GOLPH3: variants seen among roughly 807,000 people sequenced by gnomAD.
The protein encoded by GOLPH3 is coat protein GPP34.
GOLPH3 carries 14 observed loss-of-function variants against 28.5 expected under a neutral mutation model. That is an observed-to-expected ratio of 0.49 (90% CI 0.32 to 0.77). The LOEUF is 0.77. Among genes scored for constraint, GOLPH3 ranks in the 30% least tolerant of loss-of-function variants. The pLI is 0.03. For missense variants in GOLPH3, 350 were observed against 393.7 expected (o/e 0.89, Z 0.94); for synonymous variants, 158 against 159.2 (o/e 0.99, Z 0.06).
chr5:32,130,994 C>A (rs1745814146), intron 3 of GOLPH3, among the ~76,000 whole-genome samples: 1 of 152,182 alleles, frequency 6.6e-6, no homozygotes, highest in African/African-American at 2.4e-5. Context: ...ACACAGACCA[C>A]CTTCAAATAA....
At position 32,161,394 on chromosome 5, in the gene GOLPH3, C is replaced by A. The variant is rs543431971; in HGVS notation, c.225+12416G>T. Among the ~76,000 whole-genome samples, 6 of 143,776 alleles carry A rather than the reference C, an allele frequency of 4.2e-5. No homozygotes were observed. The South Asian group carries it at 8.8e-4, about 21-fold the overall frequency. 94.3% of individuals were successfully genotyped at this position (143,776 alleles called of 152,430 possible). A position where few individuals can be genotyped will look rare whatever the true frequency, so the allele number is the denominator to read the frequency against. On this transcript the variant is annotated intron_variant, in intron 1 of 3. Coordinates refer to ENST00000265070, the MANE Select transcript of GOLPH3 (RefSeq NM_022130.4). ...ACTCCACCCTGGGTGACAGAGCATA[C>A]CTTGTCTCAAAAAAAAAAAACCAAA...
chr5:32,170,909 G>C (rs889828842), intron 1 of GOLPH3, among the ~76,000 whole-genome samples: 2 of 151,216 alleles, frequency 1.3e-5, no homozygotes, highest in Non-Finnish European at 2.9e-5. Flanking sequence ...AAAAAAAAGA[G>C]AAAAAATTTC....
At chr5:32,158,759 A>T (rs1479049543) in intron 1 of GOLPH3, among the ~76,000 whole-genome samples, 1 of 152,204 alleles carries the variant, frequency 6.6e-6, no homozygotes, top group Non-Finnish European at 1.5e-5. Context: ...GAAATACATG[A>T]CAGAAAATTA....
At chr5:32,168,700 C>G (rs1021968135) in intron 1 of GOLPH3, among the ~76,000 whole-genome samples, 1 of 152,136 alleles carries the variant, frequency 6.6e-6, no homozygotes, top group African/African-American at 2.4e-5. Flanking sequence ...GGAAAGGTCT[C>G]CAAAAAACCC....
At chr5:32,173,748 G>T in intron 1 of GOLPH3, 62 bp downstream of exon 1, 1 of 1,207,056 alleles carries the variant, frequency 8.3e-7, no homozygotes, top group Non-Finnish European at 1.1e-6. Flanking sequence ...GCACCTACCT[G>T]GAGCTCACCT....
At chr5:32,161,704 C>A (rs895395074) in intron 1 of GOLPH3, among the ~76,000 whole-genome samples, 1 of 151,356 alleles carries the variant, frequency 6.6e-6, no homozygotes, top group Non-Finnish European at 1.5e-5. Flanking sequence ...CCCAAGGATT[C>A]TTTAAGGAAG....
chr5:32,139,994 C>T (rs1191206823), intron 2 of GOLPH3, among the ~76,000 whole-genome samples: 6 of 151,988 alleles, frequency 3.9e-5, no homozygotes, highest in Non-Finnish European at 5.9e-5. Flanking sequence ...CCAAGAAGTC[C>T]GTATCCAATT....
chr5:32,157,928 G>GAT (rs1057407578), intron 1 of GOLPH3, among the ~76,000 whole-genome samples: 1 of 151,102 alleles, frequency 6.6e-6, no homozygotes, highest in African/African-American at 2.4e-5. Flanking sequence ...AGTGAGCCGA[G>GAT]ATCACGCCAT....
rs541180219 is a variant in GOLPH3 at position 32,168,196 on chromosome 5, C to G, written c.225+5614G>C. Among the ~76,000 whole-genome samples, 4 of 152,278 alleles carry G rather than the reference C, an allele frequency of 2.6e-5. No individual in the cohort carries two copies. In the South Asian group the frequency reaches 8.3e-4, roughly 32 times the overall value. The stretch of plus-strand genomic sequence containing the variant: ...TCTGGAAATTCTGAATACTTGTTGA[C>G]TGAATTTCTGATTTACAGATTTGAT... On this transcript the variant is annotated intron_variant, in intron 1 of 3. Transcript: ENST00000265070.
At chr5:32,162,486 C>T (rs1746607462) in intron 1 of GOLPH3, among the ~76,000 whole-genome samples, 1 of 148,568 alleles carries the variant, frequency 6.7e-6, no homozygotes, top group African/African-American at 2.5e-5. Context: ...AGCAAGACTC[C>T]GTCTCAAAAA....
intron 2 of GOLPH3, among the ~76,000 whole-genome samples, chr5:32,142,956 A>T (rs1426571288): frequency 6.6e-6 from 1 of 152,134 alleles, no homozygotes. Context: ...GGTGTACCCA[A>T]CAGCTCACTG....
chr5:32,163,672 A>G (rs1413240606), intron 1 of GOLPH3, among the ~76,000 whole-genome samples: 2 of 97,548 alleles, frequency 2.1e-5, no homozygotes, highest in Non-Finnish European at 4.9e-5. Context: ...ACATATATAT[A>G]TATATTTTTT....
Position 32,143,321 on chromosome 5 carries a change from C to T in GOLPH3, c.357+428G>A, listed in dbSNP as rs895629423. ...CAGGGACACAAACACTGCGGAAGGC[C>T]GCAGGGTCCTCTGCCTAGGAAAACC... On this transcript the variant is annotated intron_variant, in intron 2 of 3. Transcript: ENST00000265070. Among the ~76,000 whole-genome samples the T allele has an allele frequency of 2.3e-3, 343 of 151,582 alleles. 2 individuals are homozygous for T. The highest frequency in any genetic ancestry group is 8.1e-3 in the African/African-American group (334 of 41,316).
rs1006516992 is a variant in GOLPH3 at position 32,135,751 on chromosome 5, T to C, written c.358-65A>G. The C allele has an allele frequency of 6.7e-6, 6 of 896,112 alleles. No homozygotes were observed. In the African/African-American group the frequency reaches 8.4e-5, roughly 13 times the overall value. 55.5% of individuals were successfully genotyped at this position (896,112 alleles called of 1,614,324 possible). Reference sequence around the variant, plus strand: ...CCTTTTCTGAGTTGATCTCATTAAATGAAAAACAAACAATTATATAAATAA... The same window carrying C: ...CCTTTTCTGAGTTGATCTCATTAAACGAAAAACAAACAATTATATAAATAA... On this transcript the variant is annotated intron_variant, in intron 2 of 3. Transcript: ENST00000265070.
chr5:32,131,799 C>T (rs573978375), intron 3 of GOLPH3, among the ~76,000 whole-genome samples: 9 of 152,206 alleles, frequency 5.9e-5, no homozygotes, highest in Non-Finnish European at 1.3e-4. Flanking sequence ...GTACCTAAAT[C>T]ATTTCACTGC....
chr5:32,173,971 C>T lies in GOLPH3; in HGVS notation c.64G>A (p.Ala22Thr). The change falls in exon 1 of 4, where the codon GCC (alanine) becomes ACC (threonine). Residue 22 changes from alanine to threonine, a missense_variant. By Grantham distance (58) the Ala-to-Thr change is moderately conservative. Transcript: ENST00000265070. ...VQRRTEASRN[A>T]ADKERAAGGG... The stretch of plus-strand genomic sequence containing the variant: ...CCCGCCGCCCGCTCCTTGTCGGCGG[C>T]GTTGCGGGAGGCCTCGGTGCGCCGC... The T allele has an allele frequency of 1.4e-6, 2 of 1,400,880 alleles. No individual in the cohort carries two copies. Among genetic ancestry groups the T allele is most frequent in the Non-Finnish European group, 1.8e-6 (2 of 1,084,430 alleles). 86.8% of individuals were successfully genotyped at this position (1,400,880 alleles called of 1,614,324 possible).
chr5:32,159,612 G>C (rs549849614), intron 1 of GOLPH3, among the ~76,000 whole-genome samples: 2 of 152,180 alleles, frequency 1.3e-5, no homozygotes, highest in African/African-American at 2.4e-5. Flanking sequence ...GTTTTTTAAA[G>C]TATATTTAAC....
intron 1 of GOLPH3, among the ~76,000 whole-genome samples, chr5:32,159,853 C>T (rs925631672): frequency 6.6e-6 from 1 of 152,122 alleles, no homozygotes; most frequent in Admixed American, 6.5e-5. Flanking sequence ...GCAGTGATAC[C>T]TCGAGCCCCA....
rs575606499 is a variant in GOLPH3, at chr5:32,155,578, A to G, written c.226-11698T>C. On this transcript the variant is annotated intron_variant, in intron 1 of 3. Coordinates refer to ENST00000265070, the MANE Select transcript of GOLPH3 (RefSeq NM_022130.4). ...CTCCCCTTAAGCATTTCAAATGACT[A>G]AAGAAAGCCCTCAGCTTTCTGATTT... 3.9e-5 allele frequency among the ~76,000 whole-genome samples: 6 copies of G among 152,334 alleles called. No individual in the cohort carries two copies. In the East Asian group the frequency reaches 9.6e-4, roughly 24 times the overall value.
Sources: gnomAD v4.1 joint callset for allele counts (sites outside exome capture counted in the v4.1 genomes callset) on GRCh38, gnomAD v4.1.1 for gene constraint, MANE v1.5 for transcripts, NCBI Gene and HGNC (gene_info 2026-07-23, HGNC 2026-07-21) for gene names.